The following IGFL4 variants were observed in gnomAD, a reference collection of about 807,000 sequenced individuals.
IGFL4 encodes IGF like family member 4.
In IGFL4, 12 loss-of-function variants were observed where a neutral mutation model predicts 15.4. The observed-to-expected ratio is 0.78, with a 90% CI of 0.50 to 1.26. The LOEUF (loss-of-function observed/expected upper bound fraction) is 1.26, where lower values mean the gene tolerates loss of function less well. IGFL4 is among the 50% of genes most tolerant of loss of function. IGFL4 has a pLI of 0.00. For synonymous variants in IGFL4, 54 were observed against 55.9 expected, an observed-to-expected ratio of 0.97 and a Z score of 0.16; for missense variants, 126 against 147.8, an observed-to-expected ratio of 0.85 and a Z score of 0.76.
chr19:46,065,069 G>C (rs1969481832), intron 1 of IGFL4, among the ~76,000 whole-genome samples: 1 of 152,128 alleles, frequency 6.6e-6, no homozygotes, highest in Admixed American at 6.5e-5. Flanking sequence ...TCATATGCCT[G>C]TTTGCCATTT....
rs376228238 is a variant in IGFL4 at position 46,040,180 on chromosome 19, G to A, written c.307C>T (p.Pro103Ser). 56 of 1,613,978 alleles carry A rather than the reference G, an allele frequency of 3.5e-5. No individual in the cohort carries two copies. In the African/African-American group the frequency reaches 7.1e-4, roughly 20 times the overall value. ...ACCTGGGCACAGATCCTGGTGATAG[G>A]GGAGGACTTGCAATCTGGCTTCATG... Reference protein sequence around the residue: ...PGMKPDCKSSPITRICAQEYH... With the variant: ...PGMKPDCKSSSITRICAQEYH... Residue 103 changes from proline to serine, a missense_variant, in exon 3 of 4, where the codon CCT becomes TCT. By Grantham distance (74) the Pro-to-Ser change is moderately conservative. Transcript: ENST00000377697. This position sits in a 1 kb window ranked among gnomAD's most constrained non-coding sequence, Gnocchi z 4.1.
chr19:46,062,112 G>C (rs1969450990), intron 1 of IGFL4, among the ~76,000 whole-genome samples: 1 of 152,144 alleles, frequency 6.6e-6, no homozygotes, highest in South Asian at 2.1e-4. Flanking sequence ...CATGATGCTA[G>C]AGCTTGAAAA....
intron 2 of IGFL4, among the ~76,000 whole-genome samples, chr19:46,054,076 A>C (rs926084316): frequency 7.9e-5 from 12 of 151,674 alleles, no homozygotes; most frequent in African/African-American, 2.9e-4. Flanking sequence ...TCATGTTTTC[A>C]CTCTGTTGTT....
At chr19:46,049,623 G>A (rs905168224) in intron 2 of IGFL4, among the ~76,000 whole-genome samples, 8 of 152,062 alleles carry the variant, frequency 5.3e-5, no homozygotes, top group Non-Finnish European at 7.4e-5. Context: ...GCAAGTCCCC[G>A]CCAAGGAGAT....
chr19:46,046,267 A>G (rs1969296594), intron 2 of IGFL4, among the ~76,000 whole-genome samples: 1 of 152,234 alleles, frequency 6.6e-6, no homozygotes, highest in Admixed American at 6.5e-5. Flanking sequence ...AGCAATAAAT[A>G]TGGAAAGGGA....
At chr19:46,069,604 G>T (rs1379664565) in intron 1 of IGFL4, among the ~76,000 whole-genome samples, 3 of 151,996 alleles carry the variant, frequency 2.0e-5, no homozygotes, top group Non-Finnish European at 4.4e-5. Context: ...AGCCCTAAAA[G>T]CCCACAGATC....
Position 46,040,391 on chromosome 19 carries a change from T to A in IGFL4, c.96A>T (p.Pro32=). 3.7e-6 allele frequency: 6 copies of A among 1,614,202 alleles called. No homozygotes were observed. The highest frequency in any genetic ancestry group is 5.1e-6 in the Non-Finnish European group (6 of 1,180,044). ...AGGTCCACTCCCCGCACCTGGGCGC[T>A]GGCTGGCATAGCCACAGTCTAAGAT... is the stretch of plus-strand genomic sequence containing the variant. ...VTDLRLWLCQ[P]APRCGEWTYN... is the part of the protein sequence containing the mutation. Residue 32 remains proline (P), a synonymous_variant, in exon 3 of 4, where the codon CCA becomes CCT. Transcript: ENST00000377697. This position sits in a 1 kb window ranked among gnomAD's most constrained non-coding sequence, Gnocchi z 4.1.
At chr19:46,043,395 C>G (rs1304865032), upstream of IGFL4, among the ~76,000 whole-genome samples, 2 of 152,110 alleles carry the variant, frequency 1.3e-5, no homozygotes, top group Admixed American at 1.3e-4. Flanking sequence ...AGATTTAACA[C>G]AATTCCAATG....
intron 2 of IGFL4, among the ~76,000 whole-genome samples, chr19:46,054,610 T>C (rs1049761147): frequency 6.6e-6 from 1 of 152,178 alleles, no homozygotes; most frequent in Non-Finnish European, 1.5e-5. Flanking sequence ...TGTACTTTCA[T>C]ATCTCTACTT....
chr19:46,069,404 G>C (rs897713658), intron 1 of IGFL4, among the ~76,000 whole-genome samples: 2 of 152,158 alleles, frequency 1.3e-5, no homozygotes, highest in African/African-American at 4.8e-5. Flanking sequence ...TGTTCAGTCT[G>C]AGAAGTAAAG....
intron 1 of IGFL4, among the ~76,000 whole-genome samples, chr19:46,065,369 C>T (rs1969485111): frequency 1.3e-5 from 2 of 152,166 alleles, no homozygotes; most frequent in African/African-American, 4.8e-5. Context: ...GTCGCCCAGG[C>T]TGGAGTGCAG....
At chr19:46,056,980 G>A (rs1969399172) in intron 2 of IGFL4, among the ~76,000 whole-genome samples, 1 of 152,026 alleles carries the variant, frequency 6.6e-6, no homozygotes, top group African/African-American at 2.4e-5. Flanking sequence ...GAGTCCCAAA[G>A]GCTGTTATTT....
intron 1 of IGFL4, among the ~76,000 whole-genome samples, chr19:46,065,410 G>A (rs1439992673): frequency 2.0e-5 from 3 of 152,148 alleles, no homozygotes; most frequent in Admixed American, 6.5e-5. Context: ...CAACCTCTGC[G>A]TCCTGTGTTC....
chr19:46,040,530 C>G lies in IGFL4; in HGVS notation c.58G>C (p.Glu20Gln). The G allele has an allele frequency of 6.2e-7, 1 of 1,614,130 alleles. No individual in the cohort carries two copies. The highest frequency in any genetic ancestry group is 8.5e-7 in the Non-Finnish European group (1 of 1,180,046). ...CATCTGTTCTCACCTGTGACTCCTT[C>G]TGAGTTTGAACCCAAAAGTTCAAAA... ...FIFELLGSNS[E>Q]GVTDLRLWLC... The change falls in exon 2 of 4, where the codon GAA (glutamate) becomes CAA (glutamine). Residue 20 changes from glutamate to glutamine, a missense_variant. By Grantham distance (29) the Glu-to-Gln change is conservative. Coordinates refer to ENST00000377697, the MANE Select transcript of IGFL4 (RefSeq NM_001002923.3). The surrounding 1 kb of genome is among the most constrained non-coding windows in gnomAD (Gnocchi z 4.1).
chr19:46,045,506 T>C (rs1047562805), upstream of IGFL4, among the ~76,000 whole-genome samples: 1 of 150,010 alleles, frequency 6.7e-6, no homozygotes. Context: ...GGATGTTGTA[T>C]CCCATTGCAA....
intron 2 of IGFL4, among the ~76,000 whole-genome samples, chr19:46,046,876 C>T (rs1233035151): frequency 6.6e-6 from 1 of 152,152 alleles, no homozygotes; most frequent in Non-Finnish European, 1.5e-5. Flanking sequence ...ATATTCAGGA[C>T]CTGAACTCAG....
chr19:46,043,841 TA>T (rs887863512), upstream of IGFL4, among the ~76,000 whole-genome samples: 5 of 151,658 alleles, frequency 3.3e-5, no homozygotes, highest in Middle Eastern at 3.4e-3. Flanking sequence ...GAAGAAAACA[TA>T]AAAAAAATCC....
upstream of IGFL4, among the ~76,000 whole-genome samples, chr19:46,044,137 C>A (rs1969274770): frequency 6.6e-6 from 1 of 152,130 alleles, no homozygotes; most frequent in African/African-American, 2.4e-5. Flanking sequence ...GATTGTGCAA[C>A]CCTGCCTGGG....
At chr19:46,073,643 A>G (rs1329749168) in intron 1 of IGFL4, among the ~76,000 whole-genome samples, 1 of 152,200 alleles carries the variant, frequency 6.6e-6, no homozygotes, top group Admixed American at 6.5e-5. Context: ...CAAGAGTAAC[A>G]GCACTCTTCC....
Sources: gnomAD v4.1 joint callset for allele counts (sites outside exome capture counted in the v4.1 genomes callset) on GRCh38, gnomAD v4.1.1 for gene constraint, Gnocchi (gnomAD v3.1) non-coding constraint, MANE v1.5 for transcripts, NCBI Gene and HGNC (gene_info 2026-07-23, HGNC 2026-07-21) for gene names.